The following PTPRR variants were observed in gnomAD, a reference collection of about 807,000 sequenced individuals.
PTPRR encodes receptor-type tyrosine-protein phosphatase R.
A neutral mutation model predicts 77.2 loss-of-function variants in PTPRR; 38 were observed. That is an observed-to-expected ratio of 0.49 (90% CI 0.38 to 0.65). PTPRR has a LOEUF of 0.65. Ranked by LOEUF, PTPRR falls within the 30% of genes least tolerant of loss-of-function variation. PTPRR has a pLI of 0.00. For missense variants in PTPRR, 744 were observed against 799.2 expected (o/e 0.93, Z 0.83); for synonymous variants, 299 against 283.1 (o/e 1.06, Z -0.57).
At chr12:70,673,031 C>CAA (rs1229938892) in intron 10 of PTPRR, 419 of 458,176 alleles carry the variant, frequency 9.1e-4, no homozygotes, top group African/African-American at 2.2e-3. Context: ...CGGGCCAAAG[C>CAA]AAAAAAAAAA....
chr12:70,669,316 A>C (rs914481669), intron 10 of PTPRR, among the ~76,000 whole-genome samples: 11 of 151,950 alleles, frequency 7.2e-5, no homozygotes, highest in Admixed American at 2.0e-4. Flanking sequence ...TATCACATCC[A>C]CTCAACCTCC....
At chr12:70,780,666 A>G (rs1369573023) in intron 2 of PTPRR, among the ~76,000 whole-genome samples, 3 of 152,170 alleles carry the variant, frequency 2.0e-5, no homozygotes, top group African/African-American at 7.2e-5. Flanking sequence ...ATGTGATGCT[A>G]TAACTACCAC....
intron 6 of PTPRR, among the ~76,000 whole-genome samples, chr12:70,704,967 C>T (rs1888564678): frequency 6.6e-6 from 1 of 152,058 alleles, no homozygotes; most frequent in Non-Finnish European, 1.5e-5. Context: ...CTTTATCAAG[C>T]TCCTGCTGCA....
In PTPRR at chr12:70,672,440, C is replaced by T. The variant is rs534134851; in HGVS notation, c.1498-9835G>A. 5.8e-5 allele frequency: 63 copies of T among 1,087,966 alleles called. 2 individuals carry two copies. The South Asian group carries it at 7.6e-4, about 13-fold the overall frequency. The allele number at this position is 1,087,966 out of a possible 1,614,324, so 67.4% of individuals were successfully genotyped here. Reference sequence around the variant, plus strand: ...GGAAAGAAAGGCAAGCACATCAAGGCCACAGATGCCATGGCCCATGTGGCT... The same window carrying T: ...GGAAAGAAAGGCAAGCACATCAAGGTCACAGATGCCATGGCCCATGTGGCT... On this transcript the variant is annotated intron_variant, in intron 10 of 13. Transcript: ENST00000283228.
chr12:70,767,625 G>C (rs1890860632), intron 2 of PTPRR, among the ~76,000 whole-genome samples: 1 of 151,998 alleles, frequency 6.6e-6, no homozygotes. Context: ...AAGTTAACAA[G>C]GATACCCAGG....
intron 6 of PTPRR, among the ~76,000 whole-genome samples, chr12:70,715,593 G>C (rs546232378): frequency 6.6e-6 from 1 of 152,302 alleles, no homozygotes; most frequent in East Asian, 1.9e-4. Context: ...GGCCAGTTCA[G>C]AGACCCACCC....
rs1888406555 is a variant in PTPRR, at chr12:70,701,134, C to T, written c.1194+3G>A. 2 of 1,613,682 alleles carry T rather than the reference C, an allele frequency of 1.2e-6. No homozygotes were observed. The highest frequency in any genetic ancestry group is 1.3e-5 in the African/African-American group (1 of 75,008). On this transcript the variant is annotated splice_donor_region_variant and intron_variant, in intron 7 of 13. Transcript: ENST00000283228. Reference sequence around the variant, plus strand: ...AAGAGTGAACAATAAATAGAAGGCTCACCATGAATTCACTTTGGAGTAAAT... The same window carrying T: ...AAGAGTGAACAATAAATAGAAGGCTTACCATGAATTCACTTTGGAGTAAAT...
intron 1 of PTPRR, among the ~76,000 whole-genome samples, chr12:70,903,527 T>A (rs1893574916): frequency 6.6e-6 from 1 of 151,840 alleles, no homozygotes; most frequent in South Asian, 2.1e-4. Context: ...GTATTAGACA[T>A]CCATATGTAA....
intron 2 of PTPRR, among the ~76,000 whole-genome samples, chr12:70,865,609 C>T (rs10748159): frequency 6.6e-5 from 10 of 151,934 alleles, no homozygotes; most frequent in Admixed American, 1.3e-4. Flanking sequence ...TGAATGATAA[C>T]GCTCATCCTC....
At chr12:70,717,364 T>C (rs1565663156) in intron 6 of PTPRR, among the ~76,000 whole-genome samples, 1 of 152,202 alleles carries the variant, frequency 6.6e-6, no homozygotes, top group Non-Finnish European at 1.5e-5. Context: ...AACTCTGTCA[T>C]CTTAGCATAT....
At chr12:70,863,804 T>G (rs1456116861) in intron 2 of PTPRR, among the ~76,000 whole-genome samples, 2 of 152,284 alleles carry the variant, frequency 1.3e-5, no homozygotes, top group Non-Finnish European at 2.9e-5. Flanking sequence ...CTTTAAACTG[T>G]TGAATCTCCA....
rs77216736 is a variant in PTPRR at position 70,790,610 on chromosome 12, A to G, written c.358-25832T>C. Among the ~76,000 whole-genome samples the G allele has an allele frequency of 4.2e-3, 632 of 151,920 alleles. 5 individuals are homozygous for G. The highest frequency in any genetic ancestry group is 0.015 in the African/African-American group (603 of 41,410). Reference sequence around the variant, plus strand: ...ATGCATCCAATTGCATCCTTGACATACCCCCTTAAATAACCAACTGGATCT... The same window carrying G: ...ATGCATCCAATTGCATCCTTGACATGCCCCCTTAAATAACCAACTGGATCT... On this transcript the variant is annotated intron_variant, in intron 2 of 13. Coordinates refer to ENST00000283228, the MANE Select transcript of PTPRR (RefSeq NM_002849.4).
intron 2 of PTPRR, among the ~76,000 whole-genome samples, chr12:70,801,815 T>G (rs1021006591): frequency 2.6e-5 from 4 of 152,134 alleles, no homozygotes; most frequent in African/African-American, 9.7e-5. Context: ...TTTTGTTTCT[T>G]TGGAAAATCC....
At chr12:70,723,169 G>A (rs1889319528) in intron 6 of PTPRR, among the ~76,000 whole-genome samples, 1 of 152,102 alleles carries the variant, frequency 6.6e-6, no homozygotes, top group Admixed American at 6.6e-5. Flanking sequence ...TGTCACCTTG[G>A]GAACAAAATT....
chr12:70,907,227 G>A (rs961393382), intron 1 of PTPRR, among the ~76,000 whole-genome samples: 5 of 152,194 alleles, frequency 3.3e-5, no homozygotes, highest in Non-Finnish European at 7.4e-5. Context: ...CAAAGTAATT[G>A]TTCTGTTTTT....
intron 2 of PTPRR, among the ~76,000 whole-genome samples, chr12:70,859,536 T>A (rs1892713806): frequency 6.6e-6 from 1 of 151,930 alleles, no homozygotes; most frequent in South Asian, 2.1e-4. Context: ...ATGGAGCTAG[T>A]GAGGGTATAA....
intron 6 of PTPRR, among the ~76,000 whole-genome samples, chr12:70,741,656 A>C (rs1002962564): frequency 3.3e-5 from 5 of 152,046 alleles, no homozygotes; most frequent in Admixed American, 1.3e-4. Flanking sequence ...CGGGGTGTGG[A>C]TGTCAGATAA....
chr12:70,846,686 T>C (rs1206575326), intron 2 of PTPRR, among the ~76,000 whole-genome samples: 1 of 151,938 alleles, frequency 6.6e-6, no homozygotes, highest in East Asian at 1.9e-4. Context: ...CCATTGAGGA[T>C]GCAAAGGGAA....
chr12:70,685,396 G>C (rs1395398935), intron 8 of PTPRR, among the ~76,000 whole-genome samples: 1 of 143,042 alleles, frequency 7.0e-6, no homozygotes, highest in East Asian at 2.1e-4. Context: ...TGTAATCTCA[G>C]CACTTTGGGA....
Sources: gnomAD v4.1 joint callset for allele counts (sites outside exome capture counted in the v4.1 genomes callset) on GRCh38, gnomAD v4.1.1 for gene constraint, MANE v1.5 for transcripts, NCBI Gene and HGNC (gene_info 2026-07-23, HGNC 2026-07-21) for gene names.